ZNF410: variants seen among roughly 807,000 people sequenced by gnomAD.
ZNF410 encodes zinc finger protein 410.
ZNF410 carries 18 observed loss-of-function variants against 54.8 expected under a neutral mutation model. The observed-to-expected ratio is 0.33, with a 90% CI of 0.23 to 0.49. The LOEUF (loss-of-function observed/expected upper bound fraction) is 0.49, where lower values mean the gene tolerates loss of function less well. Ranked by LOEUF, ZNF410 falls within the 20% of genes least tolerant of loss-of-function variation. The probability of loss-of-function intolerance (pLI) is 0.99; values close to 1 mark genes in which losing one functional copy is unlikely to be tolerated. For synonymous variants in ZNF410, 191 were observed against 207.3 expected, an observed-to-expected ratio of 0.92 and a Z score of 0.68; for missense variants, 405 against 569.6, an observed-to-expected ratio of 0.71 and a Z score of 2.94.
intron 11 of ZNF410, among the ~76,000 whole-genome samples, chr14:73,929,110 T>G (rs549321710): frequency 6.6e-6 from 1 of 152,378 alleles, no homozygotes; most frequent in South Asian, 2.1e-4. Flanking sequence ...CATGGGTTTT[T>G]GTATATTTAC....
chr14:73,898,317 A>G (rs767526257), intron 5 of ZNF410, 55 bp downstream of exon 5: 1 of 1,576,994 alleles, frequency 6.3e-7, no homozygotes, highest in Non-Finnish European at 8.7e-7. Flanking sequence ...GATTTTGGTA[A>G]TGCAGTGGCT....
intron 5 of ZNF410, among the ~76,000 whole-genome samples, chr14:73,902,408 T>C (rs1206425995): frequency 6.6e-6 from 1 of 152,050 alleles, no homozygotes; most frequent in African/African-American, 2.4e-5. Context: ...TTTAAAAACC[T>C]TGGGGCAATA....
intron 9 of ZNF410, 97 bp downstream of exon 9, chr14:73,921,202 GT>G: frequency 6.5e-7 from 1 of 1,529,882 alleles, no homozygotes; most frequent in Non-Finnish European, 8.8e-7. Context: ...TTCTGATTCT[GT>G]TTTGGGTAGA....
rs1158550117 is a variant in ZNF410 at position 73,919,886 on chromosome 14, GTTTTTTTTTTT to G, written c.1004-1079_1004-1069del. Among the ~76,000 whole-genome samples the G allele has an allele frequency of 1.1e-4, 7 of 62,044 alleles. No individual in the cohort carries two copies. In the South Asian group the frequency reaches 2.9e-3, roughly 26 times the overall value. 40.7% of individuals were successfully genotyped at this position (62,044 alleles called of 152,430 possible). A position where few individuals can be genotyped will look rare whatever the true frequency, so the allele number is the denominator to read the frequency against. On this transcript the variant is annotated intron_variant, in intron 8 of 11. Coordinates refer to ENST00000555044, the MANE Select transcript of ZNF410 (RefSeq NM_021188.3). ...ATTCCACCCTGTTTCTATTGTATAG[GTTTTTTTTTTT>G]TTTTTTTTTTTTTTGCTATGCAGGA... is the stretch of plus-strand genomic sequence containing the variant.
chr14:73,899,849 A>G (rs1326472964), intron 5 of ZNF410, among the ~76,000 whole-genome samples: 4 of 152,214 alleles, frequency 2.6e-5, no homozygotes, highest in African/African-American at 9.6e-5. Context: ...TCTTACTCTC[A>G]AAGTATGTTG....
chr14:73,932,074 A>G lies in ZNF410; in HGVS notation c.*533A>G. 2.2e-6 allele frequency: 1 copy of G among 454,904 alleles called. No individual in the cohort carries two copies. Among genetic ancestry groups the G allele is most frequent in the Non-Finnish European group, 4.4e-6 (1 of 225,658 alleles). 28.2% of individuals were successfully genotyped at this position (454,904 alleles called of 1,614,324 possible). A position where few individuals can be genotyped will look rare whatever the true frequency, so the allele number is the denominator to read the frequency against. ...AGACTCTCTGCCACTGGGCTGCAAA[A>G]AAATAAATTACTTGAATCTCCCCTT... On this transcript the variant is annotated 3_prime_UTR_variant, in exon 12 of 12. Coordinates refer to ENST00000555044, the MANE Select transcript of ZNF410 (RefSeq NM_021188.3).
chr14:73,909,630 A>G (rs959974029), intron 8 of ZNF410, 200 bp downstream of exon 8: 9 of 493,768 alleles, frequency 1.8e-5, no homozygotes, highest in East Asian at 6.6e-5. Context: ...TCTAATTATT[A>G]TTTTCAGCTG....
intron 3 of ZNF410, chr14:73,894,244 T>G: frequency 1.5e-6 from 1 of 676,886 alleles, no homozygotes; most frequent in Non-Finnish European, 2.7e-6. Context: ...CTAAAATAGT[T>G]GGATGAACAT....
intron 7 of ZNF410, among the ~76,000 whole-genome samples, chr14:73,905,968 C>CACACACACAT (rs1461702433): frequency 1.3e-5 from 1 of 78,944 alleles, no homozygotes; most frequent in Admixed American, 1.1e-4. Flanking sequence ...CACACACACA[C>CACACACACAT]ATATATATAT....
At chr14:73,924,172 G>A (rs183449280) in intron 11 of ZNF410, among the ~76,000 whole-genome samples, 24 of 152,264 alleles carry the variant, frequency 1.6e-4, no homozygotes, top group African/African-American at 3.4e-4. Flanking sequence ...ACCAGGGACC[G>A]GTTTCGTTTC....
At chr14:73,894,336 G>C in intron 3 of ZNF410, 2 of 702,710 alleles carry the variant, frequency 2.8e-6, no homozygotes, top group Non-Finnish European at 5.2e-6. Context: ...GGACTAAAAG[G>C]ACTCCATTAT....
intron 11 of ZNF410, among the ~76,000 whole-genome samples, chr14:73,924,003 A>C (rs1439469868): frequency 6.6e-6 from 1 of 152,166 alleles, no homozygotes; most frequent in Non-Finnish European, 1.5e-5. Context: ...CTCAGCAAAA[A>C]AGGTAGTAAC....
At chr14:73,903,377 T>C (rs1198419474) in intron 5 of ZNF410, among the ~76,000 whole-genome samples, 1 of 152,224 alleles carries the variant, frequency 6.6e-6, no homozygotes, top group Non-Finnish European at 1.5e-5. Context: ...ATTTTGGATA[T>C]CTCTTACATT....
At chr14:73,895,776 C>T (rs531555422) in intron 3 of ZNF410, among the ~76,000 whole-genome samples, 60 of 152,202 alleles carry the variant, frequency 3.9e-4, no homozygotes, top group African/African-American at 1.3e-3. Context: ...ACCAGCCTGG[C>T]TGGTGAAACC....
At position 73,904,898 on chromosome 14, in the gene ZNF410, G is replaced by A. The variant is rs750985149; in HGVS notation, c.732-4G>A. On this transcript the variant is annotated splice_region_variant and splice_polypyrimidine_tract_variant and intron_variant, in intron 6 of 11. Transcript: ENST00000555044. ...TATTTTTCCTTATGTGATTATTTTT[G>A]CAGAAATGACCGCTCCTTCATCTGT... The A allele has an allele frequency of 7.1e-5, 114 of 1,610,278 alleles. No homozygotes were observed. The highest frequency in any genetic ancestry group is 4.6e-4 in the South Asian group (42 of 90,616).
At chr14:73,899,049 A>G (rs757780306) in intron 5 of ZNF410, among the ~76,000 whole-genome samples, 14 of 152,164 alleles carry the variant, frequency 9.2e-5, no homozygotes, top group Non-Finnish European at 1.6e-4. Flanking sequence ...TCTCATTAAC[A>G]TGTGACACAA....
At chr14:73,898,499 TA>T (rs1411117599) in intron 5 of ZNF410, 5 of 552,666 alleles carry the variant, frequency 9.0e-6, no homozygotes, top group Non-Finnish European at 1.6e-5. Flanking sequence ...GAGCCCCTTT[TA>T]AAGAAAAAAT....
In ZNF410 at chr14:73,932,509, C is replaced by CT. The variant is rs1348886212; in HGVS notation, c.*969dup. ...AAAATGGCAATAAAAACAGATACTT[C>CT]TGAATTTTTCCACAAAGATAGTTTT... On this transcript the variant is annotated 3_prime_UTR_variant, in exon 12 of 12. Transcript: ENST00000555044. The CT allele has an allele frequency of 1.3e-5, 6 of 450,580 alleles. No homozygotes were observed. Among genetic ancestry groups the CT allele is most frequent in the Admixed American group, 4.9e-5 (2 of 40,906 alleles). 27.9% of individuals were successfully genotyped at this position (450,580 alleles called of 1,614,324 possible). A position where few individuals can be genotyped will look rare whatever the true frequency, so the allele number is the denominator to read the frequency against.
Position 73,922,197 on chromosome 14 carries a change from G to C in ZNF410, c.1261G>C (p.Val421Leu). The change falls in exon 10 of 12, where the codon GTT (valine) becomes CTT (leucine). Residue 421 changes from valine to leucine, a missense_variant. Transcript: ENST00000555044. ...ACCAAATACCAATTCTATCCTGGGA[G>C]TTGATGATGGTAAGACTTCCAACTC... The part of the protein sequence containing the change: ...NLPNTNSILG[V>L]DDEVLAEGSP... 1.9e-6 allele frequency: 3 copies of C among 1,613,680 alleles called. No homozygotes were observed. Among genetic ancestry groups the C allele is most frequent in the Non-Finnish European group, 2.5e-6 (3 of 1,179,872 alleles).
Sources: gnomAD v4.1 joint callset for allele counts (sites outside exome capture counted in the v4.1 genomes callset) on GRCh38, gnomAD v4.1.1 for gene constraint, MANE v1.5 for transcripts, NCBI Gene and HGNC (gene_info 2026-07-23, HGNC 2026-07-21) for gene names.